The following EVL variants were observed in gnomAD, a reference collection of about 807,000 sequenced individuals.
EVL encodes the protein Enah/Vasp-like.
EVL carries 21 observed loss-of-function variants against 59.6 expected under a neutral mutation model. The ratio of observed to expected loss-of-function variants is 0.35; its 90% CI spans 0.25 to 0.51. EVL has a LOEUF of 0.51. Among genes scored for constraint, EVL ranks in the 20% least tolerant of loss-of-function variants. The pLI is 0.97. For missense variants in EVL, 462 were observed against 546.6 expected (o/e 0.85, Z 1.54); for synonymous variants, 198 against 203.5 (o/e 0.97, Z 0.23).
chr14:100,073,095 CA>C (rs1358900066), intron 1 of EVL, among the ~76,000 whole-genome samples: 2 of 152,108 alleles, frequency 1.3e-5, no homozygotes, highest in African/African-American at 4.8e-5. Flanking sequence ...CTTCCTCATT[CA>C]CCTGGGTAGG....
At chr14:100,069,580 G>A (rs138843410) in intron 1 of EVL, among the ~76,000 whole-genome samples, 1,685 of 152,256 alleles carry the variant, frequency 0.011, 38 homozygotes, top group Admixed American at 0.039. Flanking sequence ...ATGGGAACCC[G>A]CACTTCCCTA....
intron 1 of EVL, among the ~76,000 whole-genome samples, chr14:99,980,428 G>T (rs972612313): frequency 6.6e-6 from 1 of 152,144 alleles, no homozygotes; most frequent in African/African-American, 2.4e-5. Context: ...GCCTCCCCCG[G>T]GGCCAGCCTT....
rs1255640330 is a variant in EVL, at chr14:100,127,734, G to A, written c.488-785G>A. The stretch of plus-strand genomic sequence containing the variant: ...ACAGTCACTTCCGTGAGGACGTCAT[G>A]GAGGACGTCCGTCTTCCATGAACTT... On this transcript the variant is annotated intron_variant, in intron 5 of 13. Coordinates refer to ENST00000392920, the MANE Select transcript of EVL (RefSeq NM_016337.3). This position sits in a 1 kb window ranked among gnomAD's most constrained non-coding sequence, Gnocchi z 4.2. 6.6e-6 allele frequency among the ~76,000 whole-genome samples: 1 copy of A among 152,206 alleles called. No individual in the cohort carries two copies. Among genetic ancestry groups the A allele is most frequent in the Non-Finnish European group, 1.5e-5 (1 of 68,040 alleles).
At chr14:99,978,920 T>C (rs541492440) in intron 1 of EVL, among the ~76,000 whole-genome samples, 1 of 152,330 alleles carries the variant, frequency 6.6e-6, no homozygotes, top group South Asian at 2.1e-4. Flanking sequence ...GAGGCACATG[T>C]CCACTTATTT....
Position 100,108,498 on chromosome 14 carries a change from G to A in EVL, c.358+10840G>A, listed in dbSNP as rs1049838231. Among the ~76,000 whole-genome samples the A allele has an allele frequency of 1.3e-5, 2 of 152,106 alleles. No individual in the cohort carries two copies. The highest frequency in any genetic ancestry group is 2.9e-5 in the Non-Finnish European group (2 of 68,018). On this transcript the variant is annotated intron_variant, in intron 3 of 13. Transcript: ENST00000392920. This position sits in a 1 kb window ranked among gnomAD's most constrained non-coding sequence, Gnocchi z 4.1. Reference sequence around the variant, plus strand: ...CCTGCCTGCTCCCAGCTGCCCTCTGGCGGCCACTTTCTGAAAGCCGGATAT... The same window carrying A: ...CCTGCCTGCTCCCAGCTGCCCTCTGACGGCCACTTTCTGAAAGCCGGATAT...
At chr14:100,044,746 G>A (rs968769504) in intron 1 of EVL, among the ~76,000 whole-genome samples, 5 of 152,128 alleles carry the variant, frequency 3.3e-5, no homozygotes, top group African/African-American at 4.8e-5. Flanking sequence ...GGTGGTCCTC[G>A]CTGCCTGAAT....
intron 1 of EVL, among the ~76,000 whole-genome samples, chr14:99,995,381 G>A (rs776501751): frequency 2.6e-5 from 4 of 151,832 alleles, no homozygotes; most frequent in Non-Finnish European, 5.9e-5. Flanking sequence ...CTTTGAGTTC[G>A]GTGGTTCTGT....
rs1014063718 is a variant in EVL, at chr14:100,058,366, C to T, written c.6-26321C>T. Among the ~76,000 whole-genome samples the T allele has an allele frequency of 2.0e-5, 3 of 152,216 alleles. No individual in the cohort carries two copies. In the South Asian group the frequency reaches 6.2e-4, roughly 31 times the overall value. On this transcript the variant is annotated intron_variant, in intron 1 of 13. Transcript: ENST00000402714. ...ATCCTGTGTGAGTGTTGATGCCCGTCTTCCTCATTCATTCATTCATTCATG... is the reference window on the plus strand; with the variant it reads ...ATCCTGTGTGAGTGTTGATGCCCGTTTTCCTCATTCATTCATTCATTCATG...
At chr14:100,101,312 C>T (rs1886206692) in intron 3 of EVL, among the ~76,000 whole-genome samples, 1 of 152,152 alleles carries the variant, frequency 6.6e-6, no homozygotes, top group Non-Finnish European at 1.5e-5. Flanking sequence ...ATAGGGAAAC[C>T]CCATCTCTAC....
At position 100,137,622 on chromosome 14, in the gene EVL, C is replaced by A. The variant is rs750723779; in HGVS notation, c.1009C>A (p.Pro337Thr). 1.9e-6 allele frequency: 3 copies of A among 1,613,974 alleles called. No individual in the cohort carries two copies. The East Asian group carries it at 6.7e-5, about 36-fold the overall frequency. The part of the protein sequence containing the change: ...PWERSNSVEK[P>T]VSSILSRTPS... ...GGAGCGGAGCAACTCGGTGGAGAAG[C>A]CTGTGTCCTCGATTCTGTCCAGGTG... is the stretch of plus-strand genomic sequence containing the variant. Residue 337 changes from proline (P) to threonine (T), a missense_variant, in exon 10 of 14, where the codon CCT (proline) becomes ACT (threonine). Transcript: ENST00000392920.
chr14:99,990,111 A>G (rs1481583228), intron 1 of EVL, among the ~76,000 whole-genome samples: 1 of 152,236 alleles, frequency 6.6e-6, no homozygotes, highest in Non-Finnish European at 1.5e-5. Context: ...AGAGTCATCC[A>G]TGAAGGCTGG....
chr14:100,045,648 G>T (rs2061535606), intron 1 of EVL, among the ~76,000 whole-genome samples: 1 of 152,252 alleles, frequency 6.6e-6, no homozygotes, highest in South Asian at 2.1e-4. Context: ...AGGACTGTCA[G>T]CTGTGCTGAC....
intron 7 of EVL, among the ~76,000 whole-genome samples, chr14:100,132,393 G>A (rs1416637059): frequency 6.6e-6 from 1 of 152,028 alleles, no homozygotes; most frequent in Non-Finnish European, 1.5e-5. Context: ...TCAGTGTCCT[G>A]GGGACAGAGC....
At position 100,043,230 on chromosome 14, in the gene EVL, T is replaced by TG. The variant is rs1213954124; in HGVS notation, c.6-41456dup. ...CCAATAGGAGATAGATATATATATA[T>TG]GTATGTGTGTGTGTGTATATATATA... On this transcript the variant is annotated intron_variant, in intron 1 of 13. Transcript: ENST00000402714. Among the ~76,000 whole-genome samples, 3 of 152,086 alleles carry TG rather than the reference T, an allele frequency of 2.0e-5. No individual in the cohort carries two copies. In the East Asian group the frequency reaches 5.8e-4, roughly 29 times the overall value.
At chr14:100,081,055 G>T (rs1222932447) in intron 1 of EVL, among the ~76,000 whole-genome samples, 2 of 152,196 alleles carry the variant, frequency 1.3e-5, no homozygotes, top group African/African-American at 4.8e-5. Context: ...CAAGATGGGA[G>T]GATCACTTGA....
At chr14:100,101,568 A>T (rs1886225954) in intron 3 of EVL, among the ~76,000 whole-genome samples, 1 of 152,148 alleles carries the variant, frequency 6.6e-6, no homozygotes, top group African/African-American at 2.4e-5. Context: ...ACTTGAACCC[A>T]GGAGGCAGAG....
intron 9 of EVL, among the ~76,000 whole-genome samples, chr14:100,136,798 G>A (rs1769391167): frequency 6.6e-6 from 1 of 152,174 alleles, no homozygotes; most frequent in African/African-American, 2.4e-5. Flanking sequence ...CCCCTGCCCT[G>A]TTTGCTTCTT....
chr14:100,110,890 G>T (rs1451548215), intron 3 of EVL, among the ~76,000 whole-genome samples: 3 of 152,198 alleles, frequency 2.0e-5, no homozygotes, highest in Non-Finnish European at 4.4e-5. Context: ...GCCCAGTCAG[G>T]GTTTGAGATA....
chr14:100,107,814 T>G (rs1886670472), intron 3 of EVL: 2 of 152,460 alleles, frequency 1.3e-5, no homozygotes, highest in African/African-American at 4.8e-5. Flanking sequence ...CTGGATATTT[T>G]GAGGAGTTCC....
Sources: gnomAD v4.1 joint callset for allele counts (sites outside exome capture counted in the v4.1 genomes callset) on GRCh38, gnomAD v4.1.1 for gene constraint, Gnocchi (gnomAD v3.1) non-coding constraint, MANE v1.5 for transcripts, NCBI Gene and HGNC (gene_info 2026-07-23, HGNC 2026-07-21) for gene names.